PPARGC1A: variants seen among roughly 807,000 people sequenced by gnomAD.
PPARGC1A encodes the protein PPARG coactivator 1 alpha.
A neutral mutation model predicts 88.7 loss-of-function variants in PPARGC1A; 25 were observed. The observed-to-expected ratio is 0.28, with a 90% CI of 0.21 to 0.39. The LOEUF (loss-of-function observed/expected upper bound fraction) is 0.39. PPARGC1A is among the 10% of genes least tolerant of loss of function. The pLI, the probability that PPARGC1A is intolerant of heterozygous loss-of-function variation, is 1.00. For missense variants in PPARGC1A, 880 were observed against 968.7 expected (o/e 0.91, Z 1.22); for synonymous variants, 363 against 355.6 (o/e 1.02, Z -0.24).
the PPARGC1A span, among the ~76,000 whole-genome samples, chr4:24,164,086 A>G: frequency 6.6e-6 from 1 of 152,208 alleles, no homozygotes; most frequent in Non-Finnish European, 1.5e-5. Flanking sequence ...GTGTCCCATA[A>G]TAAAAATAGG....
At chr4:24,267,522 C>A in the PPARGC1A span, among the ~76,000 whole-genome samples, 1 of 152,204 alleles carries the variant, frequency 6.6e-6, no homozygotes, top group Non-Finnish European at 1.5e-5. Flanking sequence ...TTGTGACTAT[C>A]AATCCGGTGT....
intron 1 of PPARGC1A, among the ~76,000 whole-genome samples, chr4:23,898,275 A>G (rs1261544360): frequency 6.6e-6 from 1 of 152,228 alleles, no homozygotes; most frequent in Non-Finnish European, 1.5e-5. Flanking sequence ...AACCAAGACC[A>G]TATCACAGGA....
At chr4:23,864,618 A>T (rs1241031292) in intron 2 of PPARGC1A, among the ~76,000 whole-genome samples, 2 of 152,210 alleles carry the variant, frequency 1.3e-5, no homozygotes, top group Admixed American at 1.3e-4. Context: ...TTCGCAGCAG[A>T]CTGTACATGG....
the PPARGC1A span, among the ~76,000 whole-genome samples, chr4:23,932,395 C>A: frequency 6.6e-6 from 1 of 152,128 alleles, no homozygotes; most frequent in East Asian, 1.9e-4. Context: ...GCAGACGTCT[C>A]CAGTGGCTTT....
chr4:24,161,384 G>A, the PPARGC1A span, among the ~76,000 whole-genome samples: 3 of 152,290 alleles, frequency 2.0e-5, no homozygotes, highest in Non-Finnish European at 4.4e-5. Context: ...GTTTCCCATG[G>A]AAGGAGCCTG....
the PPARGC1A span, among the ~76,000 whole-genome samples, chr4:24,045,889 A>G: frequency 9.2e-5 from 14 of 152,332 alleles, no homozygotes; most frequent in African/African-American, 2.9e-4. Flanking sequence ...ACATAGCCCA[A>G]TCAACCAAAA....
chr4:24,263,834 C>T, the PPARGC1A span, among the ~76,000 whole-genome samples: 4 of 152,182 alleles, frequency 2.6e-5, no homozygotes, highest in Admixed American at 6.5e-5. Context: ...ACTGCAGCCT[C>T]GACCTCCAGG....
chr4:24,288,223 G>A, the PPARGC1A span, among the ~76,000 whole-genome samples: 8 of 152,106 alleles, frequency 5.3e-5, no homozygotes, highest in Non-Finnish European at 1.2e-4. Flanking sequence ...TTCAGCAGCT[G>A]ACCACTCCTC....
the PPARGC1A span, among the ~76,000 whole-genome samples, chr4:23,965,626 G>A: frequency 6.6e-6 from 1 of 152,134 alleles, no homozygotes; most frequent in Non-Finnish European, 1.5e-5. Flanking sequence ...CTCAATATTT[G>A]TTAGCTACTA....
the PPARGC1A span, among the ~76,000 whole-genome samples, chr4:23,978,000 T>C: frequency 6.6e-6 from 1 of 152,180 alleles, no homozygotes; most frequent in South Asian, 2.1e-4. Flanking sequence ...GAGAATTATA[T>C]CAAAATGACA....
chr4:23,838,508 A>C (rs1216014212), intron 2 of PPARGC1A, among the ~76,000 whole-genome samples: 1 of 152,224 alleles, frequency 6.6e-6, no homozygotes, highest in East Asian at 1.9e-4. Flanking sequence ...ATATGTGTGC[A>C]ATAAAAAAAT....
At chr4:24,456,647 T>C in the PPARGC1A span, among the ~76,000 whole-genome samples, 13 of 151,974 alleles carry the variant, frequency 8.6e-5, no homozygotes, top group Non-Finnish European at 1.5e-4. Flanking sequence ...TTAAGAGCTT[T>C]GAGGTTTTAG....
chr4:23,838,865 A>G (rs1311881124), intron 2 of PPARGC1A, among the ~76,000 whole-genome samples: 1 of 151,714 alleles, frequency 6.6e-6, no homozygotes, highest in East Asian at 1.9e-4. Context: ...ATATATCTCA[A>G]TGCCTTGAGT....
At chr4:24,068,335 T>G in the PPARGC1A span, among the ~76,000 whole-genome samples, 2 of 152,220 alleles carry the variant, frequency 1.3e-5, no homozygotes, top group South Asian at 4.1e-4. Context: ...GAGAGAACAG[T>G]ATCTGCAGAA....
chr4:24,111,771 T>C, the PPARGC1A span, among the ~76,000 whole-genome samples: 1 of 152,216 alleles, frequency 6.6e-6, no homozygotes, highest in Non-Finnish European at 1.5e-5. Flanking sequence ...TTAATGATAG[T>C]TCTTGAAAGA....
At chr4:24,430,810 G>A in the PPARGC1A span, among the ~76,000 whole-genome samples, 1 of 152,096 alleles carries the variant, frequency 6.6e-6, no homozygotes, top group African/African-American at 2.4e-5. Context: ...CTGAAGTAAG[G>A]CACAGACCCT....
chr4:24,340,033 G>T, the PPARGC1A span, among the ~76,000 whole-genome samples: 1 of 152,076 alleles, frequency 6.6e-6, no homozygotes, highest in African/African-American at 2.4e-5. Flanking sequence ...CACCGTGCCC[G>T]GCCTAGGTTT....
the PPARGC1A span, among the ~76,000 whole-genome samples, chr4:24,315,840 T>C: frequency 6.6e-6 from 1 of 152,192 alleles, no homozygotes; most frequent in Non-Finnish European, 1.5e-5. Context: ...CATTTGTAGA[T>C]TAGACTGCCA....
chr4:24,185,551 G>A, the PPARGC1A span, among the ~76,000 whole-genome samples: 1 of 152,182 alleles, frequency 6.6e-6, no homozygotes, highest in Admixed American at 6.5e-5. Flanking sequence ...CCCCTCACCA[G>A]TACGAGAAGC....
Sources: gnomAD v4.1 joint callset for allele counts (sites outside exome capture counted in the v4.1 genomes callset) on GRCh38, gnomAD v4.1.1 for gene constraint, MANE v1.5 for transcripts, NCBI Gene and HGNC (gene_info 2026-07-23, HGNC 2026-07-21) for gene names.